Variants in SLC35F3 observed in about 807,000 individuals in gnomAD.
SLC35F3 encodes putative thiamine transporter SLC35F3.
A neutral mutation model predicts 49.9 loss-of-function variants in SLC35F3; 25 were observed. The ratio of observed to expected loss-of-function variants is 0.50; its 90% CI spans 0.37 to 0.70. The LOEUF is 0.70. Among genes scored for constraint, SLC35F3 ranks in the 30% least tolerant of loss-of-function variants. The pLI, the probability that SLC35F3 is intolerant of heterozygous loss-of-function variation, is 0.00. For synonymous variants in SLC35F3, 275 were observed against 265.4 expected, an observed-to-expected ratio of 1.04 and a Z score of -0.35; for missense variants, 525 against 639.8, an observed-to-expected ratio of 0.82 and a Z score of 1.94.
At chr1:234,080,601 G>T (rs531841259) in intron 2 of SLC35F3, among the ~76,000 whole-genome samples, 1 of 152,328 alleles carries the variant, frequency 6.6e-6, no homozygotes, top group South Asian at 2.1e-4. Flanking sequence ...AAGTGCTGAT[G>T]AATGCTTCAA....
At position 233,924,357 on chromosome 1, in the gene SLC35F3, C is replaced by G. The variant is rs150677561; in HGVS notation, c.283+18599C>G. ...GGTCTATTCAGGGATTCAACTTCTT[C>G]CTGGTTTAGTCTTGGGACGGTGTAT... On this transcript the variant is annotated intron_variant, in intron 2 of 7. Transcript: ENST00000366618. Among the ~76,000 whole-genome samples the G allele has an allele frequency of 6.8e-3, 1,033 of 152,260 alleles. 13 individuals carry two copies. The highest frequency in any genetic ancestry group is 0.031 in the Middle Eastern group (9 of 294).
intron 3 of SLC35F3, among the ~76,000 whole-genome samples, chr1:234,252,864 A>T (rs1340394160): frequency 6.6e-6 from 1 of 152,192 alleles, no homozygotes; most frequent in Non-Finnish European, 1.5e-5. Flanking sequence ...TGGTAGCTTT[A>T]CTCCTAGGAA....
intron 2 of SLC35F3, among the ~76,000 whole-genome samples, chr1:234,140,002 A>AATAAAATAAAATAAAATAAAAAAAT: frequency 6.6e-5 from 7 of 105,356 alleles, no homozygotes; most frequent in South Asian, 2.6e-4. Context: ...AATAAAATAA[A>AATAAAATAAAATAAAATAAAAAAAT]GTAAGTGACT....
At chr1:234,117,709 AC>A (rs1385131886) in intron 2 of SLC35F3, among the ~76,000 whole-genome samples, 5 of 150,888 alleles carry the variant, frequency 3.3e-5, no homozygotes, top group African/African-American at 7.3e-5. Context: ...ACATGGTGAA[AC>A]CCCGTCTCTA....
At chr1:233,918,760 C>A (rs1470569048) in intron 2 of SLC35F3, among the ~76,000 whole-genome samples, 1 of 151,006 alleles carries the variant, frequency 6.6e-6, no homozygotes, top group Non-Finnish European at 1.5e-5. Flanking sequence ...GAGTGAGACT[C>A]CGTCTCTCTC....
intron 3 of SLC35F3, among the ~76,000 whole-genome samples, chr1:234,256,288 T>C (rs1427551412): frequency 6.6e-6 from 1 of 152,150 alleles, no homozygotes; most frequent in African/African-American, 2.4e-5. Flanking sequence ...ATATTCTATA[T>C]CTTGACTGTG....
intron 2 of SLC35F3, among the ~76,000 whole-genome samples, chr1:234,198,702 T>C (rs1321361587): frequency 2.0e-5 from 3 of 152,200 alleles, no homozygotes; most frequent in Admixed American, 6.5e-5. Context: ...GCATACATTG[T>C]AGAAAGATTA....
At chr1:234,007,061 C>T (rs796905623) in intron 2 of SLC35F3, among the ~76,000 whole-genome samples, 3 of 152,188 alleles carry the variant, frequency 2.0e-5, no homozygotes, top group African/African-American at 7.2e-5. Flanking sequence ...CAGCCATAGA[C>T]GGATGGACCT....
chr1:234,206,461 G>T (rs1666970962), intron 2 of SLC35F3, among the ~76,000 whole-genome samples: 1 of 139,244 alleles, frequency 7.2e-6, no homozygotes, highest in Non-Finnish European at 1.6e-5. Flanking sequence ...CTGGTTCCTG[G>T]GGGTGGGGGG....
chr1:234,197,255 G>T (rs1408807786), intron 2 of SLC35F3, among the ~76,000 whole-genome samples: 1 of 152,182 alleles, frequency 6.6e-6, no homozygotes, highest in Non-Finnish European at 1.5e-5. Flanking sequence ...ATGAGGTGTT[G>T]CTGGAACAAA....
chr1:234,116,799 C>G (rs1558233925), intron 2 of SLC35F3, among the ~76,000 whole-genome samples: 1 of 152,206 alleles, frequency 6.6e-6, no homozygotes. Flanking sequence ...CAGGCGTGAG[C>G]CACCGCGCCC....
chr1:233,992,103 A>T (rs553542375), intron 2 of SLC35F3, among the ~76,000 whole-genome samples: 3 of 152,346 alleles, frequency 2.0e-5, no homozygotes, highest in African/African-American at 7.2e-5. Context: ...GCAACCTTCC[A>T]ATCCCAGACG....
intron 2 of SLC35F3, among the ~76,000 whole-genome samples, chr1:234,040,140 G>A (rs1664199176): frequency 6.6e-6 from 1 of 152,140 alleles, no homozygotes; most frequent in Non-Finnish European, 1.5e-5. Context: ...GCTGGAAAGG[G>A]GACAGTAAAG....
At chr1:234,083,474 G>A (rs1266284805) in intron 2 of SLC35F3, among the ~76,000 whole-genome samples, 1 of 152,158 alleles carries the variant, frequency 6.6e-6, no homozygotes. Flanking sequence ...CCATTCTATA[G>A]TACCCATATA....
At chr1:234,060,995 G>A (rs1341647047) in intron 2 of SLC35F3, among the ~76,000 whole-genome samples, 1 of 151,976 alleles carries the variant, frequency 6.6e-6, no homozygotes, top group African/African-American at 2.4e-5. Context: ...CGAGAATAAG[G>A]GAAAAGAAAT....
At chr1:234,137,798 T>C (rs762643911) in intron 2 of SLC35F3, among the ~76,000 whole-genome samples, 1 of 152,200 alleles carries the variant, frequency 6.6e-6, no homozygotes, top group Non-Finnish European at 1.5e-5. Context: ...GGGTCTCCAC[T>C]GAAGACAGCA....
chr1:234,154,202 G>A (rs1267411852), intron 2 of SLC35F3, among the ~76,000 whole-genome samples: 1 of 152,282 alleles, frequency 6.6e-6, no homozygotes, highest in Admixed American at 6.5e-5. Flanking sequence ...AGTGAGCTGT[G>A]ATTACGCCAC....
chr1:233,991,240 C>A (rs1041565644), intron 2 of SLC35F3, among the ~76,000 whole-genome samples: 7 of 152,132 alleles, frequency 4.6e-5, no homozygotes, highest in African/African-American at 1.4e-4. Context: ...AGTGGGAGGG[C>A]AGCCTGTCTG....
chr1:234,030,965 A>G (rs1664053674), intron 2 of SLC35F3, among the ~76,000 whole-genome samples: 2 of 152,206 alleles, frequency 1.3e-5, no homozygotes, highest in Non-Finnish European at 2.9e-5. Flanking sequence ...TTCTGCTTAC[A>G]TGGAGGGAAA....
Sources: allele counts gnomAD v4.1 joint callset (sites outside exome capture counted in the v4.1 genomes callset), GRCh38; gene constraint gnomAD v4.1.1; transcripts MANE v1.5; gene names NCBI Gene and HGNC (gene_info 2026-07-23, HGNC 2026-07-21).